ENOSF1: variants seen among roughly 807,000 people sequenced by gnomAD.
ENOSF1 encodes mitochondrial enolase superfamily member 1.
ENOSF1 carries 73 observed loss-of-function variants against 68.2 expected under a neutral mutation model. That is an observed-to-expected ratio of 1.07 (90% confidence interval 0.89 to 1.30). The LOEUF (loss-of-function observed/expected upper bound fraction) is 1.30, where lower values mean the gene tolerates loss of function less well. Among genes scored for constraint, ENOSF1 ranks in the 50% most tolerant of loss-of-function variants. The pLI is 0.00. For synonymous variants in ENOSF1, 223 were observed against 210.4 expected (o/e 1.06, Z -0.52); for missense variants, 589 against 554.5 (o/e 1.06, Z -0.62).
At position 673,055 on chromosome 18, in the gene ENOSF1, C is replaced by T. The variant is rs1206870099; in HGVS notation, c.*1250G>A. ...AGTCTTTAGGGGTTGGGCTGGATGC[C>T]GAGGTAAAAGTTCTTTTTGCTCTAA... On this transcript the variant is annotated 3_prime_UTR_variant, in exon 16 of 16. Coordinates refer to ENST00000647584, the MANE Select transcript of ENOSF1 (RefSeq NM_017512.7). 3.5e-5 allele frequency: 50 copies of T among 1,435,920 alleles called. No individual in the cohort carries two copies. The highest frequency in any genetic ancestry group is 1.0e-4 in the South Asian group (6 of 57,334). The allele number at this position is 1,435,920 out of a possible 1,614,324, so 88.9% of individuals were successfully genotyped here.
At chr18:667,540 GT>G (rs1468956326), downstream of ENOSF1, among the ~76,000 whole-genome samples, 11 of 88,974 alleles carry the variant, frequency 1.2e-4, 2 homozygotes, top group African/African-American at 8.3e-4. Context: ...GATGGTGATG[GT>G]GATGGTGATG....
At chr18:689,278 A>G (rs1243340707) in intron 8 of ENOSF1, among the ~76,000 whole-genome samples, 1 of 151,960 alleles carries the variant, frequency 6.6e-6, no homozygotes, top group East Asian at 1.9e-4. Flanking sequence ...TGGATCCAAA[A>G]TAATTTTTTT....
intron 8 of ENOSF1, among the ~76,000 whole-genome samples, chr18:689,342 G>A (rs896917969): frequency 4.6e-5 from 7 of 152,154 alleles, no homozygotes; most frequent in African/African-American, 9.7e-5. Flanking sequence ...GGGCAGTGGC[G>A]TGATCTCGGC....
intron 2 of ENOSF1, among the ~76,000 whole-genome samples, chr18:697,665 C>T (rs553169298): frequency 1.4e-4 from 21 of 152,044 alleles, no homozygotes; most frequent in Admixed American, 1.3e-4. Context: ...GCAGGAGAAT[C>T]GCTTGAACCC....
At chr18:705,901 C>G (rs1035122165) in intron 2 of ENOSF1, among the ~76,000 whole-genome samples, 1 of 151,870 alleles carries the variant, frequency 6.6e-6, no homozygotes, top group Non-Finnish European at 1.5e-5. Flanking sequence ...CCTAGCTTCT[C>G]GGGAGGCTGA....
chr18:666,945 T>TGATGGA (rs2074837031), downstream of ENOSF1, among the ~76,000 whole-genome samples: 1 of 27,998 alleles, frequency 3.6e-5, no homozygotes. Context: ...ATGGAGATGG[T>TGATGGA]GATGGTGATG....
the ENOSF1 span, among the ~76,000 whole-genome samples, chr18:663,478 C>T: frequency 1.0e-5 from 1 of 99,042 alleles, no homozygotes; most frequent in Non-Finnish European, 1.9e-5. Flanking sequence ...CCTGTTCACT[C>T]TGATGGTAGT....
intron 2 of ENOSF1, among the ~76,000 whole-genome samples, chr18:698,155 A>T (rs2077943324): frequency 6.6e-6 from 1 of 152,218 alleles, no homozygotes; most frequent in East Asian, 1.9e-4. Flanking sequence ...GTTAATCCAT[A>T]TACTGAGCTA....
At chr18:692,926 T>C (rs2077349839) in intron 5 of ENOSF1, 4 of 1,174,516 alleles carry the variant, frequency 3.4e-6, no homozygotes, top group Non-Finnish European at 4.3e-6. Context: ...GGCCATGGTG[T>C]TCTTTGTTTT....
chr18:694,234 G>T lies in ENOSF1; in HGVS notation c.396+14C>A, dbSNP rs376879431. The T allele has an allele frequency of 3.4e-5, 55 of 1,613,516 alleles. No homozygotes were observed. The highest frequency in any genetic ancestry group is 4.7e-5 in the Non-Finnish European group (55 of 1,179,664). On this transcript the variant is annotated intron_variant, in intron 4 of 15. Coordinates refer to ENST00000647584, the MANE Select transcript of ENOSF1 (RefSeq NM_017512.7). ...GCTCCCAGGAGCCTCCTGAGCGTTTGTGAGAGGGGTTACCTTTCCCTCCTG... is the reference window on the plus strand; with the variant it reads ...GCTCCCAGGAGCCTCCTGAGCGTTTTTGAGAGGGGTTACCTTTCCCTCCTG...
intron 1 of ENOSF1, 75 bp from the exon 2 acceptor site, chr18:706,653 A>T: frequency 3.6e-6 from 4 of 1,115,168 alleles, no homozygotes; most frequent in Non-Finnish European, 5.5e-6. Flanking sequence ...ATGATGTCAC[A>T]TGAGGACAGA....
downstream of ENOSF1, among the ~76,000 whole-genome samples, chr18:666,987 TGATGGTGATGGA>T (rs1567989727): frequency 1.3e-3 from 7 of 5,292 alleles, no homozygotes; most frequent in East Asian, 5.6e-3. Flanking sequence ...ATGGAGATGG[TGATGGTGATGGA>T]GATGGTGATG....
Position 677,451 on chromosome 18 carries a change from G to A in ENOSF1, c.1049-7C>T. ...GCATGGGGGCAAACAGGAACTAAAA[G>A]GAAATCGTTTCTATTTAATACCAAG... On this transcript the variant is annotated splice_polypyrimidine_tract_variant and splice_region_variant and intron_variant, in intron 13 of 15. Transcript: ENST00000647584. 6.2e-7 allele frequency: 1 copy of A among 1,610,728 alleles called. No homozygotes were observed. The highest frequency in any genetic ancestry group is 8.5e-7 in the Non-Finnish European group (1 of 1,178,972).
At chr18:704,440 G>A (rs77127771) in intron 2 of ENOSF1, among the ~76,000 whole-genome samples, 1,178 of 96,646 alleles carry the variant, frequency 0.012, no homozygotes, top group Non-Finnish European at 0.013. Context: ...AAAAAGAAAA[G>A]AAAAAAAAAA....
chr18:667,017 A>T (rs1672569), downstream of ENOSF1, among the ~76,000 whole-genome samples: 183 of 4,284 alleles, frequency 0.043, 14 homozygotes, highest in Middle Eastern at 0.083. Flanking sequence ...ATGGTGATGG[A>T]GATGGAGATG....
intron 5 of ENOSF1, chr18:691,575 G>C: frequency 3.9e-6 from 1 of 258,962 alleles, no homozygotes; most frequent in Non-Finnish European, 7.4e-6. Context: ...TTGAGCTCCT[G>C]GCTTCAAGCA....
At chr18:675,213 GCAAACAAACAGGA>G in intron 15 of ENOSF1, 95 bp downstream of exon 15, 1 of 838,646 alleles carries the variant, frequency 1.2e-6, no homozygotes, top group Non-Finnish European at 2.0e-6. Context: ...AGTGGATATT[GCAAACAAACAGGA>G]GTCAAAGCTT....
chr18:696,449 G>C (rs1232983226), intron 3 of ENOSF1, among the ~76,000 whole-genome samples: 1 of 151,896 alleles, frequency 6.6e-6, no homozygotes, highest in African/African-American at 2.4e-5. Context: ...CTGACCTCGT[G>C]ATCTGCCTGC....
At chr18:685,843 G>A (rs2076565893) in intron 10 of ENOSF1, 78 bp downstream of exon 10, 1 of 1,159,248 alleles carries the variant, frequency 8.6e-7, no homozygotes, top group African/African-American at 1.5e-5. Flanking sequence ...AATTCCCAAT[G>A]TTCTTTAATC....
Sources: gnomAD v4.1 joint callset for allele counts (sites outside exome capture counted in the v4.1 genomes callset) on GRCh38, gnomAD v4.1.1 for gene constraint, MANE v1.5 for transcripts, NCBI Gene and HGNC (gene_info 2026-07-23, HGNC 2026-07-21) for gene names.